The following LCA5 variants were observed in gnomAD, a reference collection of about 807,000 sequenced individuals.
The protein encoded by LCA5 is lebercilin LCA5, also known as lebercilin.
A neutral mutation model predicts 53.0 loss-of-function variants in LCA5; 37 were observed. The observed-to-expected ratio is 0.70, with a 90% CI of 0.54 to 0.92. The LOEUF is 0.92. Ranked by LOEUF, LCA5 falls within the 40% of genes least tolerant of loss-of-function variation. The pLI is 0.00. For missense variants in LCA5, 806 were observed against 790.5 expected (o/e 1.02, Z -0.23); for synonymous variants, 303 against 282.9 (o/e 1.07, Z -0.71).
At chr6:79,502,387 G>A (rs1770165139) in intron 3 of LCA5, among the ~76,000 whole-genome samples, 1 of 152,126 alleles carries the variant, frequency 6.6e-6, no homozygotes, top group South Asian at 2.1e-4. Context: ...CCTAAGTAAT[G>A]GACCTTGTTC....
chr6:79,513,770 T>C, intron 2 of LCA5, 29 bp from the exon 3 acceptor site: 4 of 1,605,646 alleles, frequency 2.5e-6, no homozygotes, highest in Non-Finnish European at 3.4e-6. Flanking sequence ...TAATGTAAAG[T>C]GAAAGCTGTA....
chr6:79,524,375 C>A (rs1284209853), intron 1 of LCA5, among the ~76,000 whole-genome samples: 2 of 152,182 alleles, frequency 1.3e-5, no homozygotes, highest in South Asian at 2.1e-4. Flanking sequence ...TAAGTCCTTG[C>A]ATGCCTGAGA....
chr6:79,538,018 G>GTT (rs869197362), upstream of LCA5, among the ~76,000 whole-genome samples: 1,060 of 44,138 alleles, frequency 0.024, 263 homozygotes, highest in Middle Eastern at 0.033. Context: ...TTGCACACAA[G>GTT]TTTTTTTTTT....
rs151301142 is a variant in LCA5, at chr6:79,497,510, C to CT, written c.721-3761dup. 2.8e-4 allele frequency among the ~76,000 whole-genome samples: 43 copies of CT among 152,158 alleles called. 1 individual carries two copies. Among genetic ancestry groups the CT allele is most frequent in the Non-Finnish European group, 2.9e-4 (20 of 68,010 alleles). ...AGAGAAATACGAAGTTAAGGATATT[C>CT]TATTAAATGAAAAGGGGTATGGAGC... On this transcript the variant is annotated intron_variant, in intron 3 of 7. Transcript: ENST00000369846.
intron 1 of LCA5, among the ~76,000 whole-genome samples, chr6:79,534,246 G>C (rs1767043764): frequency 6.6e-6 from 1 of 151,780 alleles, no homozygotes; most frequent in Non-Finnish European, 1.5e-5. Flanking sequence ...TGGATTTAAA[G>C]TATGATCAAA....
chr6:79,503,797 T>G (rs116131277), intron 3 of LCA5, among the ~76,000 whole-genome samples: 1 of 152,200 alleles, frequency 6.6e-6, no homozygotes, highest in Non-Finnish European at 1.5e-5. Context: ...TGTGTGTGTG[T>G]GCGCGCGTGC....
At position 79,518,994 on chromosome 6, in the gene LCA5, T is replaced by C. The variant is rs1204939402; in HGVS notation, c.-100A>G. ...AAACATTTTCACAGTCTTCAGATCC[T>C]GATAATATTCATTTCTGTGCAATCT... is the stretch of plus-strand genomic sequence containing the variant. On this transcript the variant is annotated 5_prime_UTR_variant, in exon 2 of 8. Coordinates refer to ENST00000369846, the MANE Select transcript of LCA5 (RefSeq NM_001122769.3). 2 of 1,093,408 alleles carry C rather than the reference T, an allele frequency of 1.8e-6. No homozygotes were observed. The highest frequency in any genetic ancestry group is 2.8e-6 in the Non-Finnish European group (2 of 710,276). 67.7% of individuals were successfully genotyped at this position (1,093,408 alleles called of 1,614,324 possible). A position where few individuals can be genotyped will look rare whatever the true frequency, so the allele number is the denominator to read the frequency against.
At chr6:79,527,780 C>T (rs1419093057) in intron 1 of LCA5, among the ~76,000 whole-genome samples, 1 of 152,158 alleles carries the variant, frequency 6.6e-6, no homozygotes, top group East Asian at 1.9e-4. Context: ...AAGGAAGCGT[C>T]TTGGGTATAT....
chr6:79,487,409 T>TATCA lies in LCA5; in HGVS notation c.1688_1689insTGAT (p.Ser564AspfsTer9). 1 of 1,613,078 alleles carries TATCA rather than the reference T, an allele frequency of 6.2e-7. No individual in the cohort carries two copies. Among genetic ancestry groups the TATCA allele is most frequent in the South Asian group, 1.1e-5 (1 of 90,914 alleles). On this transcript the variant is annotated frameshift_variant, in exon 8 of 8. Coordinates refer to ENST00000369846, the MANE Select transcript of LCA5 (RefSeq NM_001122769.3). LOFTEE classifies it low-confidence loss of function (END_TRUNC). ...GACTAAATGGATTTGACCTCTCTGA[T>TATCA]GTTTTTGCAAACGAAGGCACGTAGC...
At chr6:79,533,247 T>C (rs1582659415) in intron 1 of LCA5, among the ~76,000 whole-genome samples, 1 of 152,182 alleles carries the variant, frequency 6.6e-6, no homozygotes, top group East Asian at 1.9e-4. Context: ...AAAAAAGTGA[T>C]CTTAGATTAA....
intron 6 of LCA5, among the ~76,000 whole-genome samples, chr6:79,490,879 TAGAGAA>T: frequency 6.6e-6 from 1 of 152,032 alleles, no homozygotes. Context: ...AAAACTCTCT[TAGAGAA>T]AGAGACTTTC....
At chr6:79,503,032 C>A (rs1344924768) in intron 3 of LCA5, among the ~76,000 whole-genome samples, 1 of 152,070 alleles carries the variant, frequency 6.6e-6, no homozygotes, top group African/African-American at 2.4e-5. Context: ...AAGGTGTGTA[C>A]CACCACACAT....
chr6:79,487,174 C>T lies in LCA5; in HGVS notation c.1924G>A (p.Gly642Arg). 1 of 1,613,990 alleles carries T rather than the reference C, an allele frequency of 6.2e-7. No individual in the cohort carries two copies. The highest frequency in any genetic ancestry group is 8.5e-7 in the Non-Finnish European group (1 of 1,179,914). ...GDIDPLNFLP[G>R]NKGSRDQEHD... ...TCTTGATCTCTGCTGCCTTTATTCC[C>T]AGGGAGAAAATTTAGAGGGTCAATG... Residue 642 changes from glycine to arginine, a missense_variant, in exon 8 of 8, where the codon GGG becomes AGG. By Grantham distance (125) the Gly-to-Arg change is moderately radical. Transcript: ENST00000369846.
intron 3 of LCA5, among the ~76,000 whole-genome samples, chr6:79,510,891 G>T (rs9448735): frequency 0.35 from 52,992 of 151,860 alleles, 9,665 homozygotes; most frequent in Middle Eastern, 0.51. Flanking sequence ...TATCAAGATG[G>T]CTAAAACTTT....
chr6:79,506,670 G>T (rs1043332536), intron 3 of LCA5, among the ~76,000 whole-genome samples: 1 of 152,198 alleles, frequency 6.6e-6, no homozygotes, highest in Non-Finnish European at 1.5e-5. Context: ...CCTATGTTAA[G>T]TCAGTGATTC....
intron 1 of LCA5, among the ~76,000 whole-genome samples, chr6:79,522,241 A>G (rs1055001619): frequency 6.6e-6 from 1 of 152,156 alleles, no homozygotes; most frequent in African/African-American, 2.4e-5. Flanking sequence ...TTAAAATGAC[A>G]GAATTAGACG....
intron 1 of LCA5, among the ~76,000 whole-genome samples, chr6:79,519,541 A>C (rs1161859367): frequency 6.6e-6 from 1 of 151,914 alleles, no homozygotes; most frequent in Non-Finnish European, 1.5e-5. Context: ...ACAAGGTGAA[A>C]CCCCATCTCC....
intron 3 of LCA5, among the ~76,000 whole-genome samples, chr6:79,503,331 TCC>T (rs987223745): frequency 4.6e-5 from 7 of 152,170 alleles, no homozygotes; most frequent in Non-Finnish European, 1.0e-4. Context: ...GTTTCTGAAG[TCC>T]CCTTTGTAAC....
Position 79,486,426 on chromosome 6 carries a change from G to A in LCA5, c.*578C>T, listed in dbSNP as rs1459233660. 2.0e-5 allele frequency: 3 copies of A among 152,346 alleles called. No individual in the cohort carries two copies. 9.4% of individuals were successfully genotyped at this position (152,346 alleles called of 1,614,324 possible). On this transcript the variant is annotated 3_prime_UTR_variant, in exon 8 of 8. Coordinates refer to ENST00000369846, the MANE Select transcript of LCA5 (RefSeq NM_001122769.3). ...ATACTGAAATTGGGAAATGAGTAGT[G>A]TTTAGCTGTGGGTACTTTCAGAGGA...
Sources: allele counts gnomAD v4.1 joint callset (sites outside exome capture counted in the v4.1 genomes callset), GRCh38; gene constraint gnomAD v4.1.1; transcripts MANE v1.5; gene names NCBI Gene and HGNC (gene_info 2026-07-23, HGNC 2026-07-21).